Variants in IQSEC1 observed in about 807,000 individuals in gnomAD.
IQSEC1 encodes the protein IQ motif and Sec7 domain ArfGEF 1.
IQSEC1 carries 31 observed loss-of-function variants against 91.0 expected under a neutral mutation model. That is an observed-to-expected ratio of 0.34 (90% CI 0.26 to 0.46). The LOEUF (loss-of-function observed/expected upper bound fraction) is 0.46, where lower values mean the gene tolerates loss of function less well. Among genes scored for constraint, IQSEC1 ranks in the 20% least tolerant of loss-of-function variants. The pLI is 1.00. For synonymous variants in IQSEC1, 699 were observed against 662.6 expected, an observed-to-expected ratio of 1.05 and a Z score of -0.84; for missense variants, 1,388 against 1,575.6, an observed-to-expected ratio of 0.88 and a Z score of 2.02.
chr3:13,097,366 G>T (rs556151577), intron 2 of IQSEC1, among the ~76,000 whole-genome samples: 1 of 152,136 alleles, frequency 6.6e-6, no homozygotes, highest in Non-Finnish European at 1.5e-5. Flanking sequence ...CGTGGCTCTG[G>T]TCCCCTCCAG....
intron 1 of IQSEC1, among the ~76,000 whole-genome samples, chr3:13,038,262 GTATATATATATATATATATATATA>G (rs58338571): frequency 9.9e-6 from 1 of 101,236 alleles, no homozygotes; most frequent in South Asian, 3.2e-4. Context: ...GTGTGTGTGT[GTATATATATATATATATATATATA>G]TATATATATA....
At chr3:13,145,589 T>C (rs1188305249) in intron 2 of IQSEC1, among the ~76,000 whole-genome samples, 2 of 152,086 alleles carry the variant, frequency 1.3e-5, no homozygotes, top group Non-Finnish European at 2.9e-5. Flanking sequence ...GAGACAGTCA[T>C]GACCGACTTG....
chr3:12,912,229 C>G (rs1177320886), intron 9 of IQSEC1, among the ~76,000 whole-genome samples: 5 of 152,228 alleles, frequency 3.3e-5, no homozygotes, highest in Non-Finnish European at 7.3e-5. Flanking sequence ...CTATTCTGGT[C>G]TACAGTAGGA....
chr3:13,204,743 T>G (rs909793574), intron 1 of IQSEC1, among the ~76,000 whole-genome samples: 1 of 151,504 alleles, frequency 6.6e-6, no homozygotes, highest in Non-Finnish European at 1.5e-5. Flanking sequence ...CTATCTTACT[T>G]TCTTTCCTTC....
intron 1 of IQSEC1, among the ~76,000 whole-genome samples, chr3:12,990,808 C>T (rs150102704): frequency 1.3e-5 from 2 of 152,270 alleles, no homozygotes; most frequent in African/African-American, 2.4e-5. Flanking sequence ...TATTATGCTT[C>T]GAGAACCATC....
chr3:13,096,489 TG>T (rs575733740), intron 2 of IQSEC1, among the ~76,000 whole-genome samples: 3 of 152,170 alleles, frequency 2.0e-5, no homozygotes, highest in South Asian at 2.1e-4. Flanking sequence ...ATCAAGTATT[TG>T]GGGGGCATAG....
chr3:13,184,221 C>T (rs1160286146), intron 1 of IQSEC1, among the ~76,000 whole-genome samples: 1 of 152,194 alleles, frequency 6.6e-6, no homozygotes, highest in Non-Finnish European at 1.5e-5. Context: ...AAAGAGAACT[C>T]CTGAGCAGTA....
upstream of IQSEC1, among the ~76,000 whole-genome samples, chr3:13,076,449 C>T (rs941704635): frequency 6.6e-6 from 1 of 152,214 alleles, no homozygotes; most frequent in Non-Finnish European, 1.5e-5. Flanking sequence ...AACATTCCTG[C>T]AGATCGGCTC....
chr3:13,072,806 A>G (rs1705479762), intron 1 of IQSEC1, among the ~76,000 whole-genome samples, 186 bp downstream of exon 1: 1 of 152,166 alleles, frequency 6.6e-6, no homozygotes, highest in Non-Finnish European at 1.5e-5. Flanking sequence ...TCTCATCGTC[A>G]TCACCAACAA....
chr3:13,139,332 T>A (rs1706762143), intron 2 of IQSEC1, among the ~76,000 whole-genome samples: 1 of 152,224 alleles, frequency 6.6e-6, no homozygotes, highest in Non-Finnish European at 1.5e-5. Context: ...TTGGAGTCCG[T>A]AATTTCCTCT....
intron 2 of IQSEC1, among the ~76,000 whole-genome samples, chr3:13,085,957 C>T (rs1365033712): frequency 6.6e-6 from 1 of 152,236 alleles, no homozygotes; most frequent in Non-Finnish European, 1.5e-5. Flanking sequence ...AAGGTGGCTC[C>T]ACGCGGCCCC....
chr3:12,990,312 T>C (rs1024501980), intron 1 of IQSEC1, among the ~76,000 whole-genome samples: 2 of 152,224 alleles, frequency 1.3e-5, no homozygotes, highest in African/African-American at 2.4e-5. Flanking sequence ...GGAAACTCAC[T>C]GCCTTCTAAG....
At chr3:13,216,115 G>T (rs1694542110) in intron 1 of IQSEC1, among the ~76,000 whole-genome samples, 1 of 152,244 alleles carries the variant, frequency 6.6e-6, no homozygotes, top group African/African-American at 2.4e-5. Flanking sequence ...CTTTAAGTGG[G>T]CGTGTCCTTT....
chr3:12,996,033 A>G (rs1198723631), intron 1 of IQSEC1, among the ~76,000 whole-genome samples: 2 of 152,106 alleles, frequency 1.3e-5, no homozygotes, highest in Non-Finnish European at 2.9e-5. Context: ...TTAACCAGGC[A>G]TGGTAGTGCT....
At position 12,994,248 on chromosome 3, in the gene IQSEC1, G is replaced by A. The variant is rs1242848080; in HGVS notation, c.24-52383C>T. On this transcript the variant is annotated intron_variant, in intron 1 of 13. Coordinates refer to ENST00000613206, the MANE Select transcript of IQSEC1 (RefSeq NM_001134382.3). The surrounding 1 kb of genome is among the most constrained non-coding windows in gnomAD (Gnocchi z 4.5). ...CGGCGGGGCGGCCTCCCCGCGCGCC[G>A]CCCTCCTGCCCGCCCCACCGCCCGT... 1.3e-5 allele frequency among the ~76,000 whole-genome samples: 2 copies of A among 149,936 alleles called. No homozygotes were observed. Among genetic ancestry groups the A allele is most frequent in the African/African-American group, 4.9e-5 (2 of 41,070 alleles).
chr3:13,103,740 C>T lies in IQSEC1; in HGVS notation c.303-56218G>A, dbSNP rs1413748537. Reference sequence around the variant, plus strand: ...GCCTGACCCCCAGAGGGTGCGCCTCCTACCCCTGGGAGCTCCCCGGTATTC... The same window carrying T: ...GCCTGACCCCCAGAGGGTGCGCCTCTTACCCCTGGGAGCTCCCCGGTATTC... On this transcript the variant is annotated intron_variant, in intron 2 of 15. Coordinates refer to the IQSEC1 transcript ENST00000648114. This position sits in a 1 kb window ranked among gnomAD's most constrained non-coding sequence, Gnocchi z 4.1. Among the ~76,000 whole-genome samples the T allele has an allele frequency of 6.6e-6, 1 of 152,092 alleles. No individual in the cohort carries two copies. Among genetic ancestry groups the T allele is most frequent in the Non-Finnish European group, 1.5e-5 (1 of 67,984 alleles).
chr3:13,078,073 C>G (rs542001670), upstream of IQSEC1, among the ~76,000 whole-genome samples: 85 of 152,324 alleles, frequency 5.6e-4, no homozygotes, highest in African/African-American at 1.9e-3. Flanking sequence ...CCTGCAGACA[C>G]TCCCTGCAGG....
intron 1 of IQSEC1, among the ~76,000 whole-genome samples, chr3:13,009,556 A>G (rs759068302): frequency 4.0e-5 from 6 of 151,726 alleles, no homozygotes; most frequent in Non-Finnish European, 7.4e-5. Flanking sequence ...CCCGCAGCCC[A>G]AGTATAACTC....
At position 13,069,543 on chromosome 3, in the gene IQSEC1, C is replaced by T. The variant is rs189884179; in HGVS notation, c.23+3449G>A. Among the ~76,000 whole-genome samples, 824 of 152,254 alleles carry T rather than the reference C, an allele frequency of 5.4e-3. 7 individuals carry two copies. Among genetic ancestry groups the T allele is most frequent in the Non-Finnish European group, 9.0e-3 (610 of 68,010 alleles). On this transcript the variant is annotated intron_variant, in intron 1 of 13. Transcript: ENST00000613206. ...ACCAGAGGGAGACCACTGCCTCCTG[C>T]GGGGGCCGGCAGGTCATCATGTCCC... is the stretch of plus-strand genomic sequence containing the variant.
Sources: allele counts gnomAD v4.1 joint callset (sites outside exome capture counted in the v4.1 genomes callset), GRCh38; gene constraint gnomAD v4.1.1; non-coding constraint Gnocchi (gnomAD v3.1); transcripts MANE v1.5; gene names NCBI Gene and HGNC (gene_info 2026-07-23, HGNC 2026-07-21).